MACROD2: variants seen among roughly 807,000 people sequenced by gnomAD.
MACROD2 encodes ADP-ribose glycohydrolase MACROD2.
A neutral mutation model predicts 70.4 loss-of-function variants in MACROD2; 36 were observed. That is an observed-to-expected ratio of 0.51 (90% confidence interval 0.39 to 0.68). The LOEUF is 0.68. Among genes scored for constraint, MACROD2 ranks in the 30% least tolerant of loss-of-function variants. The pLI, the probability that MACROD2 is intolerant of heterozygous loss-of-function variation, is 0.00. For missense variants in MACROD2, 496 were observed against 538.4 expected, an observed-to-expected ratio of 0.92 and a Z score of 0.78; for synonymous variants, 172 against 178.8, an observed-to-expected ratio of 0.96 and a Z score of 0.30.
At chr20:15,179,402 C>G (rs115514309) in intron 5 of MACROD2, among the ~76,000 whole-genome samples, 2 of 152,120 alleles carry the variant, frequency 1.3e-5, no homozygotes, top group African/African-American at 2.4e-5. Context: ...CAAAGCCCCC[C>G]ACTCCTCCCA....
chr20:15,465,291 G>A (rs978934718), intron 7 of MACROD2, among the ~76,000 whole-genome samples: 5 of 152,236 alleles, frequency 3.3e-5, no homozygotes, highest in East Asian at 3.9e-4. Flanking sequence ...ACCATGATAC[G>A]TCATAACTTT....
chr20:16,046,484 CT>C (rs1231219640), intron 17 of MACROD2, among the ~76,000 whole-genome samples: 10 of 151,942 alleles, frequency 6.6e-5, no homozygotes. Flanking sequence ...TCCTTTTACC[CT>C]TTTGCTGCCA....
chr20:15,852,854 A>T (rs920280667), intron 8 of MACROD2, among the ~76,000 whole-genome samples: 1 of 152,162 alleles, frequency 6.6e-6, no homozygotes, highest in African/African-American at 2.4e-5. Context: ...AATATTTTTT[A>T]AAAAATTAGC....
At chr20:15,763,405 G>A (rs968055162) in intron 8 of MACROD2, among the ~76,000 whole-genome samples, 3 of 152,140 alleles carry the variant, frequency 2.0e-5, no homozygotes, top group African/African-American at 7.2e-5. Flanking sequence ...ACCAGACAAA[G>A]GTTGAATGAA....
intron 3 of MACROD2, among the ~76,000 whole-genome samples, chr20:14,343,309 C>G (rs2083033754): frequency 6.6e-6 from 1 of 151,498 alleles, no homozygotes; most frequent in African/African-American, 2.4e-5. Context: ...TTGAGTCAAT[C>G]ATTTCTATAT....
chr20:15,266,250 A>T (rs563053448), intron 6 of MACROD2, among the ~76,000 whole-genome samples: 1 of 152,310 alleles, frequency 6.6e-6, no homozygotes, highest in South Asian at 2.1e-4. Flanking sequence ...AGCTATAATT[A>T]TTATTAGTTT....
intron 3 of MACROD2, among the ~76,000 whole-genome samples, chr20:14,189,644 A>G (rs2148737322): frequency 6.6e-6 from 1 of 152,326 alleles, no homozygotes; most frequent in African/African-American, 2.4e-5. Flanking sequence ...CAGACCCATG[A>G]TGGAATGCAG....
At chr20:15,033,920 G>T (rs183564464) in intron 5 of MACROD2, among the ~76,000 whole-genome samples, 6 of 152,298 alleles carry the variant, frequency 3.9e-5, no homozygotes, top group South Asian at 4.1e-4. Flanking sequence ...TTTAACCAAC[G>T]TTTTATTAAT....
intron 5 of MACROD2, chr20:14,757,925 G>C: frequency 8.8e-7 from 1 of 1,133,776 alleles, no homozygotes; most frequent in Non-Finnish European, 1.3e-6. Flanking sequence ...AGGGAAAGCC[G>C]ACAGAGATAC....
chr20:15,980,886 AC>A (rs1367402887), intron 13 of MACROD2, among the ~76,000 whole-genome samples: 1 of 152,210 alleles, frequency 6.6e-6, no homozygotes, highest in East Asian at 1.9e-4. Flanking sequence ...GATTTCTAAA[AC>A]AGCTTGCAAC....
intron 5 of MACROD2, among the ~76,000 whole-genome samples, chr20:15,173,800 C>T (rs1015336246): frequency 3.3e-5 from 5 of 152,070 alleles, no homozygotes; most frequent in Non-Finnish European, 7.4e-5. Context: ...ATAAGGAGTC[C>T]TACTGTAATC....
intron 8 of MACROD2, among the ~76,000 whole-genome samples, chr20:15,582,178 T>C (rs2048534559): frequency 6.6e-6 from 1 of 151,070 alleles, no homozygotes; most frequent in East Asian, 1.9e-4. Flanking sequence ...TGGAGGAGGC[T>C]CACGGGAGTC....
intron 5 of MACROD2, among the ~76,000 whole-genome samples, chr20:15,192,060 A>G (rs1181478772): frequency 7.5e-6 from 1 of 133,236 alleles, no homozygotes; most frequent in African/African-American, 2.7e-5. Context: ...CTATCTATCT[A>G]TCTAAAACTC....
At chr20:14,813,935 G>T (rs1235917668) in intron 5 of MACROD2, among the ~76,000 whole-genome samples, 2 of 151,942 alleles carry the variant, frequency 1.3e-5, no homozygotes, top group Non-Finnish European at 2.9e-5. Context: ...AAGCTGTCTA[G>T]GGGTTTCATA....
intron 8 of MACROD2, among the ~76,000 whole-genome samples, chr20:15,678,964 C>CG (rs1197657192): frequency 1.3e-4 from 20 of 152,066 alleles, no homozygotes; most frequent in Admixed American, 1.3e-3. Context: ...AGGCTGGGTG[C>CG]GGTGGCTCAC....
chr20:15,366,268 T>C (rs1046993614), intron 6 of MACROD2, among the ~76,000 whole-genome samples: 1 of 152,040 alleles, frequency 6.6e-6, no homozygotes, highest in African/African-American at 2.4e-5. Flanking sequence ...CAGTAATTTT[T>C]CCCCCCACTA....
chr20:14,747,615 A>AT (rs1461249496), intron 5 of MACROD2, among the ~76,000 whole-genome samples: 5 of 152,074 alleles, frequency 3.3e-5, no homozygotes, highest in Admixed American at 1.3e-4. Context: ...GAAATAGCTC[A>AT]TTTTTTCTGC....
At chr20:14,298,044 C>A (rs2082441414) in intron 3 of MACROD2, among the ~76,000 whole-genome samples, 1 of 151,918 alleles carries the variant, frequency 6.6e-6, no homozygotes, top group South Asian at 2.1e-4. Context: ...GATGATAGCA[C>A]ATCTGTTTAC....
In MACROD2 at chr20:15,499,817, T is replaced by A. The variant is rs1384893637; in HGVS notation, c.615T>A (p.Ile205=). 8 of 1,613,818 alleles carry A rather than the reference T, an allele frequency of 5.0e-6. No homozygotes were observed. The Admixed American group carries it at 1.2e-4, about 24-fold the overall frequency. Residue 205 remains isoleucine (I), a synonymous_variant, in exon 8 of 18, where the codon ATT becomes ATA. Transcript: ENST00000684519. The part of the protein sequence containing the change: ...EPAAVIALNT[I]KEWLAKNHHE... The stretch of plus-strand genomic sequence containing the variant: ...CTGCAGTCATTGCCCTCAACACCAT[T>A]AAGGAATGGCTTGCCAAGAATCACC...
Sources: gnomAD v4.1 joint callset for allele counts (sites outside exome capture counted in the v4.1 genomes callset) on GRCh38, gnomAD v4.1.1 for gene constraint, MANE v1.5 for transcripts, NCBI Gene and HGNC (gene_info 2026-07-23, HGNC 2026-07-21) for gene names.